The following LRP1B variants were observed in gnomAD, a reference collection of about 807,000 sequenced individuals.
LRP1B encodes the protein low-density lipoprotein receptor-related protein 1B.
A neutral mutation model predicts 556.6 loss-of-function variants in LRP1B; 217 were observed. The ratio of observed to expected loss-of-function variants is 0.39; its 90% CI spans 0.35 to 0.44. The LOEUF is 0.44. LRP1B is among the 20% of genes least tolerant of loss of function. The probability of loss-of-function intolerance (pLI) is 1.00; values close to 1 mark genes in which losing one functional copy is unlikely to be tolerated. For missense variants in LRP1B, 5,053 were observed against 5,620.8 expected, an observed-to-expected ratio of 0.90 and a Z score of 3.23; for synonymous variants, 2,047 against 1,865.8, an observed-to-expected ratio of 1.10 and a Z score of -2.50.
chr2:141,082,806 A>C (rs899203128), intron 7 of LRP1B, among the ~76,000 whole-genome samples: 1 of 152,194 alleles, frequency 6.6e-6, no homozygotes, highest in Admixed American at 6.5e-5. Flanking sequence ...ATGGCTATGA[A>C]TAAAAGCAAT....
intron 1 of LRP1B, among the ~76,000 whole-genome samples, chr2:142,090,631 A>G (rs1393696184): frequency 6.6e-6 from 1 of 152,172 alleles, no homozygotes; most frequent in African/African-American, 2.4e-5. Context: ...TGTGTGAATT[A>G]TTTATATGAA....
At position 140,506,952 on chromosome 2, in the gene LRP1B, G is replaced by A. The variant is rs542328409; in HGVS notation, c.8399-34C>T. On this transcript the variant is annotated intron_variant, in intron 52 of 90. Transcript: ENST00000389484. Reference sequence around the variant, plus strand: ...GGCATCACAAAAAATAAAGTTAGATGAGCACATATGTTATCTTCCCCTATA... The same window carrying A: ...GGCATCACAAAAAATAAAGTTAGATAAGCACATATGTTATCTTCCCCTATA... 18 of 1,605,360 alleles carry A rather than the reference G, an allele frequency of 1.1e-5. No individual in the cohort carries two copies. The South Asian group carries it at 1.9e-4, about 17-fold the overall frequency.
At chr2:141,406,266 T>C (rs550901851) in intron 3 of LRP1B, among the ~76,000 whole-genome samples, 12 of 152,214 alleles carry the variant, frequency 7.9e-5, no homozygotes, top group African/African-American at 2.6e-4. Flanking sequence ...TTTGGCAGTA[T>C]GTGAATATAC....
At chr2:140,316,450 A>ATT (rs1262638405) in intron 82 of LRP1B, among the ~76,000 whole-genome samples, 1 of 152,128 alleles carries the variant, frequency 6.6e-6, no homozygotes, top group Non-Finnish European at 1.5e-5. Flanking sequence ...GTGCCATACA[A>ATT]TTCTGAGACT....
At position 141,212,916 on chromosome 2, in the gene LRP1B, A is replaced by G. The variant is rs551055705; in HGVS notation, c.850+16267T>C. ...AACAAGAGTTATGTTGCTATGGCAT[A>G]TTTCTGGTCACGAAAACATCACCAA... On this transcript the variant is annotated intron_variant, in intron 6 of 90. Coordinates refer to ENST00000389484, the MANE Select transcript of LRP1B (RefSeq NM_018557.3). Among the ~76,000 whole-genome samples the G allele has an allele frequency of 5.3e-4, 80 of 152,290 alleles. 1 individual carries two copies. The highest frequency in any genetic ancestry group is 8.2e-4 in the Non-Finnish European group (56 of 68,024).
chr2:142,101,806 A>C (rs1363787662), intron 1 of LRP1B, among the ~76,000 whole-genome samples: 2 of 151,974 alleles, frequency 1.3e-5, no homozygotes, highest in Non-Finnish European at 2.9e-5. Flanking sequence ...TTAGAAATCA[A>C]GATATGAAAG....
intron 35 of LRP1B, among the ~76,000 whole-genome samples, chr2:140,733,620 A>G (rs375331904): frequency 2.0e-5 from 3 of 152,330 alleles, no homozygotes; most frequent in African/African-American, 7.2e-5. Flanking sequence ...AAAAGAATAT[A>G]TATCATGTAA....
chr2:140,496,304 A>G (rs1417664872), intron 55 of LRP1B, among the ~76,000 whole-genome samples: 3 of 152,072 alleles, frequency 2.0e-5, no homozygotes, highest in Non-Finnish European at 4.4e-5. Flanking sequence ...TAGTTAGTAG[A>G]TGAGAAATCC....
chr2:141,193,281 T>G (rs1681600744), intron 6 of LRP1B, among the ~76,000 whole-genome samples: 1 of 151,902 alleles, frequency 6.6e-6, no homozygotes, highest in Non-Finnish European at 1.5e-5. Context: ...ACACAAGCAC[T>G]TGAATGTTTA....
intron 1 of LRP1B, among the ~76,000 whole-genome samples, chr2:141,839,243 G>A (rs1697385194): frequency 6.6e-6 from 1 of 152,076 alleles, no homozygotes; most frequent in Non-Finnish European, 1.5e-5. Context: ...CAAATGGTGA[G>A]GTGTTACTGC....
At chr2:141,691,360 G>A (rs1327173868) in intron 2 of LRP1B, among the ~76,000 whole-genome samples, 1 of 151,072 alleles carries the variant, frequency 6.6e-6, no homozygotes, top group Non-Finnish European at 1.5e-5. Context: ...CAGAATTTAT[G>A]GTGCTGTACT....
At chr2:141,668,897 C>A (rs567111937) in intron 2 of LRP1B, among the ~76,000 whole-genome samples, 3 of 152,114 alleles carry the variant, frequency 2.0e-5, no homozygotes, top group African/African-American at 7.2e-5. Context: ...TACACCTGCC[C>A]GTCTGCATGC....
At chr2:141,658,075 C>A (rs1477965788) in intron 2 of LRP1B, among the ~76,000 whole-genome samples, 2 of 151,984 alleles carry the variant, frequency 1.3e-5, no homozygotes, top group Non-Finnish European at 2.9e-5. Flanking sequence ...ACATCAGACT[C>A]AAGCAGATAG....
At chr2:140,679,736 C>T (rs10460248) in intron 41 of LRP1B, among the ~76,000 whole-genome samples, 123,449 of 151,798 alleles carry the variant, frequency 0.81, 50,790 homozygotes, top group Middle Eastern at 0.9. Context: ...GAAACTGGTG[C>T]CTGAGCATAA....
chr2:140,997,539 G>A (rs1453590970), intron 15 of LRP1B, among the ~76,000 whole-genome samples: 1 of 151,776 alleles, frequency 6.6e-6, no homozygotes, highest in Non-Finnish European at 1.5e-5. Context: ...ACCCAGTGTG[G>A]TGATCTATTC....
chr2:141,206,462 G>A (rs1212208558), intron 6 of LRP1B, among the ~76,000 whole-genome samples: 1 of 152,018 alleles, frequency 6.6e-6, no homozygotes, highest in Non-Finnish European at 1.5e-5. Flanking sequence ...GCGGGCGCCT[G>A]TAGTCCCAGC....
chr2:140,924,158 G>A (rs894189295), intron 20 of LRP1B, among the ~76,000 whole-genome samples: 2 of 151,946 alleles, frequency 1.3e-5, no homozygotes, highest in African/African-American at 4.8e-5. Context: ...GCAGGTTCAA[G>A]TGAATTTCTC....
At chr2:141,034,139 T>C (rs927148605) in intron 11 of LRP1B, among the ~76,000 whole-genome samples, 2 of 152,168 alleles carry the variant, frequency 1.3e-5, no homozygotes, top group Non-Finnish European at 2.9e-5. Flanking sequence ...TCAACTCTTA[T>C]ATTTCAAGTT....
At chr2:141,117,705 A>T (rs972051368) in intron 7 of LRP1B, among the ~76,000 whole-genome samples, 1 of 152,044 alleles carries the variant, frequency 6.6e-6, no homozygotes, top group Non-Finnish European at 1.5e-5. Context: ...TTGAAGAGCA[A>T]TGCTTTAGTG....
Sources: gnomAD v4.1 joint callset for allele counts (sites outside exome capture counted in the v4.1 genomes callset) on GRCh38, gnomAD v4.1.1 for gene constraint, MANE v1.5 for transcripts, NCBI Gene and HGNC (gene_info 2026-07-23, HGNC 2026-07-21) for gene names.